KIF12: variants seen among roughly 807,000 people sequenced by gnomAD.
KIF12 encodes the protein kinesin-like protein KIF12.
Under a neutral mutation model 87.9 loss-of-function variants are expected in KIF12, and 80 were observed. The observed-to-expected ratio is 0.91, with a 90% CI of 0.76 to 1.10. The LOEUF is 1.10. KIF12 is among the 50% of genes least tolerant of loss of function. The pLI is 0.00. For missense variants in KIF12, 819 were observed against 865.3 expected, an observed-to-expected ratio of 0.95 and a Z score of 0.67; for synonymous variants, 353 against 348.5, an observed-to-expected ratio of 1.01 and a Z score of -0.14.
intron 16 of KIF12, 181 bp downstream of exon 16, chr9:114,093,048 A>T (rs1373329341): frequency 8.5e-7 from 1 of 1,171,810 alleles, no homozygotes. Context: ...CAGGGTGAGG[A>T]GGGGGGAGGG....
intron 5 of KIF12, 93 bp downstream of exon 5, chr9:114,098,022 C>G: frequency 1.6e-6 from 2 of 1,271,542 alleles, no homozygotes; most frequent in African/African-American, 3.0e-5. Flanking sequence ...CGTCCCAGCC[C>G]CTTCCCTCTG....
chr9:114,097,730 C>T lies in KIF12; in HGVS notation c.387G>A (p.Val129=). Residue 129 remains valine, a synonymous_variant, in exon 6 of 19, where the codon GTG becomes GTA. Coordinates refer to ENST00000640217, the MANE Select transcript of KIF12 (RefSeq NM_001388308.1). The stretch of plus-strand genomic sequence containing the variant: ...TGCCAGCCAGGCTGGGGGGTACAGG[C>T]ACCCCCTCCCCCTAGGGGCAAAACC... ...LTGPPPQGEG[V]PVPPSLAGIM... is the part of the protein sequence containing the mutation. 6.2e-7 allele frequency: 1 copy of T among 1,613,666 alleles called. No homozygotes were observed. The highest frequency in any genetic ancestry group is 8.5e-7 in the Non-Finnish European group (1 of 1,179,850).
chr9:114,098,242 C>T, intron 4 of KIF12, 52 bp from the exon 5 acceptor site: 1 of 1,517,560 alleles, frequency 6.6e-7, no homozygotes, highest in Non-Finnish European at 8.8e-7. Flanking sequence ...GGGGTGGGGG[C>T]TGGGGGTGCT....
At chr9:114,098,791 A>G (rs1588510381) in intron 3 of KIF12, 144 bp downstream of exon 3, 1 of 613,196 alleles carries the variant, frequency 1.6e-6, no homozygotes, top group African/African-American at 5.6e-5. Context: ...GCATCCTGGA[A>G]GGGAGGGGCA....
rs764636382 is a variant in KIF12 at position 114,092,582 on chromosome 9, G to A, written c.1657C>T (p.Pro553Ser). 7 of 1,607,480 alleles carry A rather than the reference G, an allele frequency of 4.4e-6. No individual in the cohort carries two copies. In the East Asian group the frequency reaches 8.9e-5, roughly 21 times the overall value. ...TTGGCAGAGCCAGGGCTGCATGGGG[G>A]TGCCCAGGGTGGGGGCCGGGCAGAT... ...PPSARPPPWA[P>S]PCSPGSAKCP... The change falls in exon 17 of 19, where the codon CCC becomes TCC. Residue 553 changes from proline to serine, a missense_variant. Pro to Ser is a moderately conservative substitution (Grantham distance 74). Transcript: ENST00000640217.
chr9:114,091,935 G>A lies in KIF12; in HGVS notation c.1882C>T (p.Leu628=), dbSNP rs775937718. 31 of 1,612,484 alleles carry A rather than the reference G, an allele frequency of 1.9e-5. No individual in the cohort carries two copies. Among genetic ancestry groups the A allele is most frequent in the Non-Finnish European group, 2.5e-5 (29 of 1,179,702 alleles). ...GGTGGCTGGCTGCGGCCACGTCGCAGGGAGCTGCCAATCTGGTCTCTGAGG... is the reference window on the plus strand; with the variant it reads ...GGTGGCTGGCTGCGGCCACGTCGCAAGGAGCTGCCAATCTGGTCTCTGAGG... ...EALRDQIGSS[L]RRGRSQPPCS... Residue 628 remains leucine (L), a synonymous_variant, in exon 19 of 19, where the codon CTG becomes TTG. Transcript: ENST00000640217.
At position 114,097,377 on chromosome 9, in the gene KIF12, A is replaced by T. The variant is rs778738547; in HGVS notation, c.570T>A (p.Thr190=). ...GCAGCTGCTCCACATAGAAGCCCCG[A>T]GTCTTGTTCCAGCGAACAGGGAGGG... ...PRPLPVRWNK[T]RGFYVEQLRV... The change falls in exon 7 of 19, where the codon ACT becomes ACA. Residue 190 remains threonine, a synonymous_variant. Coordinates refer to ENST00000640217, the MANE Select transcript of KIF12 (RefSeq NM_001388308.1). 20 of 1,607,792 alleles carry T rather than the reference A, an allele frequency of 1.2e-5. No homozygotes were observed. Among genetic ancestry groups the T allele is most frequent in the Non-Finnish European group, 1.5e-5 (18 of 1,178,586 alleles).
rs140537943 is a variant in KIF12 at position 114,095,245 on chromosome 9, T to A, written c.983A>T (p.Asp328Val). Residue 328 changes from aspartate to valine, a missense_variant, in exon 10 of 19, where the codon GAC (aspartate) becomes GTC (valine). Transcript: ENST00000640217. ...GGTGACCCCGCGCCCTCCCAGTGAG[T>A]CTGCCAGCAACTTGGTGAGCTTGCT... ...RDSKLTKLLA[D>V]SLGGRGVTLM... is the part of the protein sequence containing the mutation. 14 of 1,613,726 alleles carry A rather than the reference T, an allele frequency of 8.7e-6. No individual in the cohort carries two copies. In the African/African-American group the frequency reaches 1.6e-4, roughly 18 times the overall value.
At chr9:114,096,754 C>T (rs192198442) in intron 7 of KIF12, among the ~76,000 whole-genome samples, 12 of 152,280 alleles carry the variant, frequency 7.9e-5, no homozygotes, top group African/African-American at 2.9e-4. Context: ...AGGGGAGAAA[C>T]TGAGGCAGGA....
rs1376626114 is a variant in KIF12 at position 114,092,653 on chromosome 9, G to A, written c.1597-11C>T. ...CTCAGGGTCCAACACCTGTAGGAAA[G>A]ACCAGAGTCCACTCTGGGTGACCTC... On this transcript the variant is annotated splice_polypyrimidine_tract_variant and intron_variant, in intron 16 of 18. Transcript: ENST00000640217. The A allele has an allele frequency of 6.3e-7, 1 of 1,575,442 alleles. No homozygotes were observed. Among genetic ancestry groups the A allele is most frequent in the African/African-American group, 1.3e-5 (1 of 74,666 alleles).
rs912193610 is a variant in KIF12 at position 114,097,416 on chromosome 9, C to A, written c.531G>T (p.Leu177=). The A allele has an allele frequency of 4.4e-6, 7 of 1,595,768 alleles. No homozygotes were observed. The highest frequency in any genetic ancestry group is 6.0e-6 in the Non-Finnish European group (7 of 1,173,566). ...GAACAGGGAGGGGCCGGGGAGACCC[C>A]AGGCTCAGCAAGTCCCGAACCTGGG... The part of the protein sequence containing the change: ...YNEQVRDLLS[L]GSPRPLPVRW... The change falls in exon 7 of 19, where the codon CTG becomes CTT. Residue 177 remains leucine (L), a synonymous_variant. Coordinates refer to ENST00000640217, the MANE Select transcript of KIF12 (RefSeq NM_001388308.1).
In KIF12 at chr9:114,098,445, C is replaced by T. The variant is rs1458294502; in HGVS notation, c.172-16G>A. ...GAGGACTCACCTGGCGCGGGTGGGG[C>T]GGAGGAGCGGGGCACTCTGGAGGAG... On this transcript the variant is annotated splice_polypyrimidine_tract_variant and intron_variant, in intron 3 of 18. Transcript: ENST00000640217. The T allele has an allele frequency of 1.6e-6, 2 of 1,251,324 alleles. No individual in the cohort carries two copies. Among genetic ancestry groups the T allele is most frequent in the South Asian group, 1.5e-5 (1 of 65,066 alleles). 77.5% of individuals were successfully genotyped at this position (1,251,324 alleles called of 1,614,324 possible). A position where few individuals can be genotyped will look rare whatever the true frequency, so the allele number is the denominator to read the frequency against.
Position 114,093,890 on chromosome 9 carries a change from C to T in KIF12, c.1396G>A (p.Glu466Lys). 6.2e-7 allele frequency: 1 copy of T among 1,613,898 alleles called. No homozygotes were observed. Among genetic ancestry groups the T allele is most frequent in the Middle Eastern group, 1.7e-4 (1 of 6,060 alleles). The change falls in exon 14 of 19, where the codon GAG becomes AAG. Residue 466 changes from glutamate (E) to lysine (K), a missense_variant. By Grantham distance (56) the Glu-to-Lys change is moderately conservative (BLOSUM62 1). Transcript: ENST00000640217. ...RILAQQVHAL[E>K]RRLLSACYHH... ...CAAGCTGGTGGCTCTGCTTACCTCT[C>T]TAGTGCATGGACCTGCTGGGCCAGG...
chr9:114,094,144 G>A (rs765219014), intron 13 of KIF12, 37 bp downstream of exon 13: 1 of 1,583,942 alleles, frequency 6.3e-7, no homozygotes, highest in South Asian at 1.1e-5. Flanking sequence ...GTGATGGGTG[G>A]GGAGCAGCAT....
At chr9:114,092,121 AC>A in intron 18 of KIF12, 121 bp from the exon 19 acceptor site, 1 of 576,496 alleles carries the variant, frequency 1.7e-6, no homozygotes, top group Non-Finnish European at 2.6e-6. Context: ...CCTTCCCCCC[AC>A]CCCACCCCCA....
At position 114,097,581 on chromosome 9, in the gene KIF12, T is replaced by C. The variant is rs750683835; in HGVS notation, c.510+26A>G. On this transcript the variant is annotated intron_variant, in intron 6 of 18. Transcript: ENST00000640217. ...AAGCGCTCCGTTTCCTCATGGGCTG[T>C]CTTTCTATTCCTCTCATTCCCTTAC... 22 of 1,612,666 alleles carry C rather than the reference T, an allele frequency of 1.4e-5. 1 individual carries two copies. In the South Asian group the frequency reaches 2.2e-4, roughly 16 times the overall value.
rs1458214936 is a variant in KIF12 at position 114,096,855 on chromosome 9, T to C, written c.647-377A>G. Among the ~76,000 whole-genome samples, 3 of 150,766 alleles carry C rather than the reference T, an allele frequency of 2.0e-5. No individual in the cohort carries two copies. In the East Asian group the frequency reaches 5.8e-4, roughly 29 times the overall value. ...CAAAGGAGGGGTGCCCAATAAATAC[T>C]TGATTTAAAAAAAAGAATGAGGCTG... On this transcript the variant is annotated intron_variant, in intron 7 of 18. Transcript: ENST00000640217.
rs1588498985 is a variant in KIF12, at chr9:114,092,656, C to T, written c.1597-14G>A. On this transcript the variant is annotated splice_polypyrimidine_tract_variant and intron_variant, in intron 16 of 18. Transcript: ENST00000640217. Reference sequence around the variant, plus strand: ...AGGGTCCAACACCTGTAGGAAAGACCAGAGTCCACTCTGGGTGACCTCAGT... The same window carrying T: ...AGGGTCCAACACCTGTAGGAAAGACTAGAGTCCACTCTGGGTGACCTCAGT... 4 of 1,571,978 alleles carry T rather than the reference C, an allele frequency of 2.5e-6. No homozygotes were observed. In the East Asian group the frequency reaches 9.1e-5, roughly 36 times the overall value.
In KIF12 at chr9:114,094,864, C is replaced by T. The variant is rs144827306; in HGVS notation, c.1119+159G>A. Among the ~76,000 whole-genome samples the T allele has an allele frequency of 3.7e-3, 565 of 152,294 alleles. 7 individuals are homozygous for T. Among genetic ancestry groups the T allele is most frequent in the African/African-American group, 0.012 (513 of 41,564 alleles). On this transcript the variant is annotated intron_variant, in intron 11 of 18. Transcript: ENST00000640217. ...GGCATGACCCTGGCTGGGACCCTGA[C>T]CCCATCCTATACAACCATGATACCG...
Sources: allele counts gnomAD v4.1 joint callset (sites outside exome capture counted in the v4.1 genomes callset), GRCh38; gene constraint gnomAD v4.1.1; transcripts MANE v1.5; gene names NCBI Gene and HGNC (gene_info 2026-07-23, HGNC 2026-07-21).